Variants in RAG1 observed in about 807,000 individuals in gnomAD.
RAG1 encodes recombination activating 1, also known as V(D)J recombination-activating protein 1.
In RAG1, 35 loss-of-function variants were observed where a neutral mutation model predicts 62.7. The ratio of observed to expected loss-of-function variants is 0.56; its 90% CI spans 0.43 to 0.74. The LOEUF is 0.74. Among genes scored for constraint, RAG1 ranks in the 30% least tolerant of loss-of-function variants. The probability of loss-of-function intolerance (pLI) is 0.00; values close to 1 mark genes in which losing one functional copy is unlikely to be tolerated. For missense variants in RAG1, 1,169 were observed against 1,278.6 expected (o/e 0.91, Z 1.31); for synonymous variants, 461 against 470.3 (o/e 0.98, Z 0.26).
rs1850890293 is a variant in RAG1, at chr11:36,578,750, T to G, written c.*2314T>G. ...TGTAGAAACGCTGCCTATGGTTTTT[T>G]GCCCTTACTGTTGAGACTGCAATAT... On this transcript the variant is annotated 3_prime_UTR_variant, in exon 2 of 2. Coordinates refer to ENST00000299440, the MANE Select transcript of RAG1 (RefSeq NM_000448.3). 1 of 167,138 alleles carries G rather than the reference T, an allele frequency of 6.0e-6. No individual in the cohort carries two copies. The highest frequency in any genetic ancestry group is 2.4e-5 in the African/African-American group (1 of 41,466). 10.4% of individuals were successfully genotyped at this position (167,138 alleles called of 1,614,324 possible).
intron 1 of RAG1, among the ~76,000 whole-genome samples, chr11:36,513,349 A>G (rs755302141): frequency 4.9e-4 from 75 of 152,220 alleles, no homozygotes; most frequent in Non-Finnish European, 9.0e-4. Context: ...TATTTGAAAA[A>G]TGAAATAGGA....
In RAG1 at chr11:36,573,413, T is replaced by G. The variant is rs1162129015; in HGVS notation, c.109T>G (p.Ser37Ala). The G allele has an allele frequency of 1.2e-6, 2 of 1,614,098 alleles. No homozygotes were observed. Among genetic ancestry groups the G allele is most frequent in the Admixed American group, 1.7e-5 (1 of 60,010 alleles). Residue 37 changes from serine to alanine, a missense_variant, in exon 2 of 2, where the codon TCC becomes GCC. Physicochemically the swap from Ser to Ala is moderately conservative, Grantham distance 99. Coordinates refer to ENST00000299440, the MANE Select transcript of RAG1 (RefSeq NM_000448.3). ...GAAATTTAAGCTGTTCCGGGTGAGATCCTTTGAAAAGACACCTGAAGAAGC... is the reference window on the plus strand; with the variant it reads ...GAAATTTAAGCTGTTCCGGGTGAGAGCCTTTGAAAAGACACCTGAAGAAGC... The part of the protein sequence containing the change: ...EWKFKLFRVR[S>A]FEKTPEEAQK...
chr11:36,537,054 G>A (rs1284348201), downstream of RAG1, among the ~76,000 whole-genome samples: 1 of 151,508 alleles, frequency 6.6e-6, no homozygotes, highest in African/African-American at 2.4e-5. Flanking sequence ...CACCGTGCCC[G>A]GCCAATATAT....
chr11:36,573,352 T>C lies in RAG1; in HGVS notation c.48T>C (p.Asp16=). ...PPTLGLSSAP[D]EIQHPHIKFS... Reference sequence around the variant, plus strand: ...CCTTGGGACTCAGTTCTGCCCCAGATGAAATTCAGCACCCACATATTAAAT... The same window carrying C: ...CCTTGGGACTCAGTTCTGCCCCAGACGAAATTCAGCACCCACATATTAAAT... The change falls in exon 2 of 2, where the codon GAT becomes GAC. Residue 16 remains aspartate (D), a synonymous_variant. Transcript: ENST00000299440. The C allele has an allele frequency of 6.2e-7, 1 of 1,614,180 alleles. No individual in the cohort carries two copies. Among genetic ancestry groups the C allele is most frequent in the Non-Finnish European group, 8.5e-7 (1 of 1,179,994 alleles).
chr11:36,542,668 G>T (rs1426113491), intron 3 of RAG1, among the ~76,000 whole-genome samples: 1 of 152,176 alleles, frequency 6.6e-6, no homozygotes, highest in African/African-American at 2.4e-5. Context: ...TTGGGAGTGT[G>T]GCCTCCGAGG....
chr11:36,516,541 C>T (rs1041871506), intron 1 of RAG1, among the ~76,000 whole-genome samples: 1 of 152,230 alleles, frequency 6.6e-6, no homozygotes, highest in Non-Finnish European at 1.5e-5. Flanking sequence ...CCAGGATGGT[C>T]TCGATCTCCT....
At chr11:36,541,604 G>A (rs117282376) in intron 3 of RAG1, among the ~76,000 whole-genome samples, 1,955 of 152,144 alleles carry the variant, frequency 0.013, 23 homozygotes, top group East Asian at 0.035. Flanking sequence ...GTCAGCAAAC[G>A]ACATAAGAAA....
chr11:36,538,315 C>T (rs959329787), downstream of RAG1, among the ~76,000 whole-genome samples: 1 of 151,668 alleles, frequency 6.6e-6, no homozygotes. Context: ...ATCCAGGGGC[C>T]AGCTGCAGTC....
upstream of RAG1, chr11:36,510,681 G>A (rs1288097942): frequency 6.6e-6 from 1 of 152,312 alleles, no homozygotes; most frequent in Admixed American, 6.5e-5. Flanking sequence ...TGCCCAGGAA[G>A]TTTCTGCGAT....
intron 3 of RAG1, among the ~76,000 whole-genome samples, chr11:36,559,436 C>A (rs913527450): frequency 3.3e-5 from 5 of 152,180 alleles, no homozygotes; most frequent in African/African-American, 7.2e-5. Context: ...AAGTTTCCAG[C>A]TAATATTTTA....
chr11:36,573,325 C>A lies in RAG1; in HGVS notation c.21C>A (p.Pro7=). 1 of 1,614,182 alleles carries A rather than the reference C, an allele frequency of 6.2e-7. No individual in the cohort carries two copies. Among genetic ancestry groups the A allele is most frequent in the Non-Finnish European group, 8.5e-7 (1 of 1,180,036 alleles). Residue 7 remains proline (P), a synonymous_variant, in exon 2 of 2, where the codon CCC becomes CCA. Transcript: ENST00000299440. ...CCAGCATGGCAGCCTCTTTCCCACC[C>A]ACCTTGGGACTCAGTTCTGCCCCAG... The part of the protein sequence containing the change: MAASFP[P]TLGLSSAPDE...
chr11:36,570,805 C>A (rs530419038), intron 1 of RAG1, among the ~76,000 whole-genome samples: 2 of 152,142 alleles, frequency 1.3e-5, no homozygotes, highest in African/African-American at 2.4e-5. Context: ...TACCTGTTTG[C>A]CATTTGTATG....
At position 36,575,667 on chromosome 11, in the gene RAG1, T is replaced by C; in HGVS notation, c.2363T>C (p.Ile788Thr). ...RVKGVSAKPF[I>T]ETVPSIDALH... The stretch of plus-strand genomic sequence containing the variant: ...AAAGGGGTCTCAGCTAAACCTTTCA[T>C]TGAGACAGTCCCTTCCATAGATGCA... Residue 788 changes from isoleucine to threonine, a missense_variant, in exon 2 of 2, where the codon ATT becomes ACT. By Grantham distance (89) the Ile-to-Thr change is moderately conservative. Coordinates refer to ENST00000299440, the MANE Select transcript of RAG1 (RefSeq NM_000448.3). This position sits in a 1 kb window ranked among gnomAD's most constrained non-coding sequence, Gnocchi z 4.1. The C allele has an allele frequency of 6.2e-7, 1 of 1,614,180 alleles. No individual in the cohort carries two copies.
rs1218556022 is a variant in RAG1 at position 36,517,634 on chromosome 11, G to A, written n.331-2498G>A. 4.6e-5 allele frequency among the ~76,000 whole-genome samples: 7 copies of A among 152,184 alleles called. No individual in the cohort carries two copies. In the East Asian group the frequency reaches 1.4e-3, roughly 29 times the overall value. ...ACTCCTGCAATCTTTACCCACATTTGCCTCTCTCATATGGTGTGGTCGTTA... is the reference window on the plus strand; with the variant it reads ...ACTCCTGCAATCTTTACCCACATTTACCTCTCTCATATGGTGTGGTCGTTA... On this transcript the variant is annotated intron_variant and non_coding_transcript_variant, in intron 1 of 2. Coordinates refer to the RAG1 transcript ENST00000529126.
At chr11:36,523,933 C>A (rs111689080) in intron 2 of RAG1, among the ~76,000 whole-genome samples, 1 of 152,148 alleles carries the variant, frequency 6.6e-6, no homozygotes. Flanking sequence ...AGGATCCATC[C>A]GTCATGTTGC....
chr11:36,575,392 C>T lies in RAG1; in HGVS notation c.2088C>T (p.Gly696=). The T allele has an allele frequency of 6.2e-7, 1 of 1,613,822 alleles. No individual in the cohort carries two copies. The highest frequency in any genetic ancestry group is 1.1e-5 in the South Asian group (1 of 91,070). ...KSSELMLELG[G]ILRTFKFIFR... ...GTGAATTAATGCTTGAGCTGGGAGG[C>T]ATTCTCCGGACTTTCAAGTTCATCT... The change falls in exon 2 of 2, where the codon GGC becomes GGT. Residue 696 remains glycine, a synonymous_variant. Transcript: ENST00000299440. The surrounding 1 kb of genome is among the most constrained non-coding windows in gnomAD (Gnocchi z 4.1).
intron 2 of RAG1, among the ~76,000 whole-genome samples, chr11:36,524,377 GTTAT>G (rs1860126809): frequency 6.6e-6 from 1 of 151,132 alleles, no homozygotes; most frequent in Non-Finnish European, 1.5e-5. Flanking sequence ...TGGCAAAGTA[GTTAT>G]TTAGAGTGTC....
chr11:36,521,760 G>A (rs1860083728), intron 2 of RAG1, among the ~76,000 whole-genome samples: 2 of 152,190 alleles, frequency 1.3e-5, no homozygotes, highest in South Asian at 4.1e-4. Context: ...TGACTAAAAT[G>A]CTGATAATGA....
intron 1 of RAG1, among the ~76,000 whole-genome samples, chr11:36,569,318 A>T (rs1564986802): frequency 6.6e-6 from 1 of 152,192 alleles, no homozygotes; most frequent in South Asian, 2.1e-4. Context: ...GCCGGTGGGG[A>T]CAGGGCTGAG....
Sources: allele counts gnomAD v4.1 joint callset (sites outside exome capture counted in the v4.1 genomes callset), GRCh38; gene constraint gnomAD v4.1.1; non-coding constraint Gnocchi (gnomAD v3.1); transcripts MANE v1.5; gene names NCBI Gene and HGNC (gene_info 2026-07-23, HGNC 2026-07-21).